Variants in NLRC4 observed in about 807,000 individuals in gnomAD.
NLRC4 encodes NLR family CARD domain containing 4, also known as NLR family CARD domain-containing protein 4.
A neutral mutation model predicts 79.9 loss-of-function variants in NLRC4; 63 were observed. The observed-to-expected ratio is 0.79, with a 90% CI of 0.64 to 0.97. NLRC4 has a LOEUF of 0.97. Among genes scored for constraint, NLRC4 ranks in the 50% least tolerant of loss-of-function variants. The pLI, the probability that NLRC4 is intolerant of heterozygous loss-of-function variation, is 0.00. For missense variants in NLRC4, 1,074 were observed against 1,215.2 expected, an observed-to-expected ratio of 0.88 and a Z score of 1.73; for synonymous variants, 461 against 456.5, an observed-to-expected ratio of 1.01 and a Z score of -0.12.
At chr2:32,258,377 G>A (rs1178971194) in intron 1 of NLRC4, among the ~76,000 whole-genome samples, 3 of 152,196 alleles carry the variant, frequency 2.0e-5, no homozygotes, top group African/African-American at 7.2e-5. Flanking sequence ...ATAGGATGAC[G>A]GTGTGGCAGG....
chr2:32,225,433 G>C (rs893988715), intron 8 of NLRC4, among the ~76,000 whole-genome samples: 2 of 150,834 alleles, frequency 1.3e-5, no homozygotes. Flanking sequence ...GTGTGTGTGT[G>C]TGTGTGTGTG....
At chr2:32,260,450 G>A (rs1397342639) in intron 1 of NLRC4, among the ~76,000 whole-genome samples, 1 of 152,084 alleles carries the variant, frequency 6.6e-6, no homozygotes. Flanking sequence ...TAAACTAGAT[G>A]CTCACAGCCA....
At chr2:32,235,255 C>G in intron 8 of NLRC4, 146 bp downstream of exon 8, 1 of 628,752 alleles carries the variant, frequency 1.6e-6, no homozygotes, top group Non-Finnish European at 2.8e-6. Flanking sequence ...TCTTCTTACT[C>G]TAACGTGAAT....
At position 32,224,822 on chromosome 2, in the gene NLRC4, G is replaced by T. The variant is rs1165320425; in HGVS notation, c.2783-57C>A. The T allele has an allele frequency of 4.9e-5, 44 of 890,348 alleles. No individual in the cohort carries two copies. The Admixed American group carries it at 7.9e-4, about 16-fold the overall frequency. 55.2% of individuals were successfully genotyped at this position (890,348 alleles called of 1,614,324 possible). On this transcript the variant is annotated intron_variant, in intron 8 of 8. Transcript: ENST00000402280. ...GAAAAATTTTTTTTAAAAAAAAAGA[G>T]AAATAGGTTCTACATTTATTTTACA... is the stretch of plus-strand genomic sequence containing the variant.
chr2:32,252,714 A>G, intron 2 of NLRC4, 35 bp from the exon 3 acceptor site: 4 of 1,589,288 alleles, frequency 2.5e-6, no homozygotes, highest in Non-Finnish European at 3.4e-6. Context: ...ATATTTATTT[A>G]CTTATATAAA....
chr2:32,235,678 T>C, intron 7 of NLRC4, 110 bp from the exon 8 acceptor site: 1 of 857,486 alleles, frequency 1.2e-6, no homozygotes, highest in Non-Finnish European at 1.8e-6. Flanking sequence ...TGCAGCCTAC[T>C]CAATCTGTAA....
chr2:32,236,338 A>G lies in NLRC4; in HGVS notation c.2523T>C (p.Ala841=), dbSNP rs765245966. The G allele has an allele frequency of 1.9e-6, 3 of 1,584,600 alleles. No individual in the cohort carries two copies. Among genetic ancestry groups the G allele is most frequent in the Admixed American group, 3.7e-5 (2 of 54,318 alleles). ...CLSANAVKIL[A]QNLHNLVKLS... ...GTTTGACCAAATTGTGAAGATTCTG[A>G]GCTGGGGAAAAAAAGTAATCCAAAA... is the stretch of plus-strand genomic sequence containing the variant. Residue 841 remains alanine, a splice_region_variant and synonymous_variant, in exon 7 of 9, where the codon GCT becomes GCC. Coordinates refer to ENST00000402280, the MANE Select transcript of NLRC4 (RefSeq NM_001199138.2).
intron 8 of NLRC4, among the ~76,000 whole-genome samples, chr2:32,225,409 ATGTGTGTGTGTG>A (rs35323064): frequency 3.0e-4 from 45 of 149,110 alleles, no homozygotes; most frequent in South Asian, 4.3e-4. Context: ...CATACAAAGG[ATGTGTGTGTGTG>A]TGTGTGTGTG....
intron 2 of NLRC4, among the ~76,000 whole-genome samples, chr2:32,253,530 C>A (rs1687133998): frequency 2.6e-5 from 4 of 152,064 alleles, no homozygotes; most frequent in African/African-American, 4.8e-5. Context: ...TTATCTTGTC[C>A]CTCTGATATA....
chr2:32,242,088 G>T (rs2148937165), intron 4 of NLRC4, among the ~76,000 whole-genome samples: 1 of 152,064 alleles, frequency 6.6e-6, no homozygotes, highest in South Asian at 2.1e-4. Flanking sequence ...GCCCAGGCTG[G>T]TCTCGGACTC....
In NLRC4 at chr2:32,251,061, TTTTCCTTTATCAGGG is replaced by T; in HGVS notation, c.788_802del (p.Ala263_Asn268delinsAsp). 6 of 1,614,040 alleles carry T rather than the reference TTTTCCTTTATCAGGG, an allele frequency of 3.7e-6. No homozygotes were observed. The highest frequency in any genetic ancestry group is 5.1e-6 in the Non-Finnish European group (6 of 1,180,010). On this transcript the variant is annotated inframe_deletion, in exon 4 of 9. Coordinates refer to ENST00000402280, the MANE Select transcript of NLRC4 (RefSeq NM_001199138.2). Reference sequence around the variant, plus strand: ...GATGACCATGTTCTTGAAGCGGTGGTTTTCCTTTATCAGGGCTTCGATTTCTGGGCAGTTCTGGGG... The same window carrying T: ...GATGACCATGTTCTTGAAGCGGTGGTCTTCGATTTCTGGGCAGTTCTGGGG...
At chr2:32,258,046 A>G (rs559284370) in intron 1 of NLRC4, among the ~76,000 whole-genome samples, 4 of 152,262 alleles carry the variant, frequency 2.6e-5, no homozygotes, top group African/African-American at 9.6e-5. Flanking sequence ...ATTGGATCAC[A>G]CGTGGTCTTG....
intron 5 of NLRC4, among the ~76,000 whole-genome samples, chr2:32,240,089 T>G (rs1287791674): frequency 1.2e-4 from 19 of 152,212 alleles, no homozygotes; most frequent in Non-Finnish European, 1.5e-5. Flanking sequence ...CAAGTGATTA[T>G]CCTTCCTCAG....
chr2:32,244,782 G>T (rs1686890020), intron 4 of NLRC4, among the ~76,000 whole-genome samples: 1 of 151,220 alleles, frequency 6.6e-6, no homozygotes, highest in Non-Finnish European at 1.5e-5. Context: ...GTTCAAGACT[G>T]GCCTTGGCAA....
chr2:32,241,842 GA>G (rs1360049538), intron 4 of NLRC4, among the ~76,000 whole-genome samples: 35 of 150,648 alleles, frequency 2.3e-4, no homozygotes, highest in East Asian at 3.9e-4. Flanking sequence ...GGGGTGAAAA[GA>G]AAAAAAAATC....
chr2:32,253,356 G>A (rs1024779091), intron 2 of NLRC4, among the ~76,000 whole-genome samples: 1 of 151,788 alleles, frequency 6.6e-6, no homozygotes, highest in African/African-American at 2.4e-5. Flanking sequence ...CACCATTTTG[G>A]TCAGACTGGT....
At chr2:32,265,079 T>A (rs1232520872), upstream of NLRC4, among the ~76,000 whole-genome samples, 2 of 152,260 alleles carry the variant, frequency 1.3e-5, no homozygotes, top group African/African-American at 4.8e-5. Flanking sequence ...GTTTCCTGTT[T>A]GTTCACAACA....
In NLRC4 at chr2:32,251,046, T is replaced by TTCA. The variant is rs1687064438; in HGVS notation, c.817_818insTGA (p.Lys272_Asn273insMet). ...AGTGGTAGTGGTGACGATGACCATG[T>TTCA]TCTTGAAGCGGTGGTTTTCCTTTAT... On this transcript the variant is annotated inframe_insertion, in exon 4 of 9. Transcript: ENST00000402280. 1 of 1,614,072 alleles carries TTCA rather than the reference T, an allele frequency of 6.2e-7. No homozygotes were observed. The highest frequency in any genetic ancestry group is 1.3e-5 in the African/African-American group (1 of 74,932).
intron 1 of NLRC4, among the ~76,000 whole-genome samples, chr2:32,263,186 A>G (rs951423458): frequency 6.6e-6 from 1 of 152,178 alleles, no homozygotes; most frequent in Non-Finnish European, 1.5e-5. Context: ...AGGAGCAGAC[A>G]GGAAGCACAC....
Sources: gnomAD v4.1 joint callset for allele counts (sites outside exome capture counted in the v4.1 genomes callset) on GRCh38, gnomAD v4.1.1 for gene constraint, MANE v1.5 for transcripts, NCBI Gene and HGNC (gene_info 2026-07-23, HGNC 2026-07-21) for gene names.